Variants in KCNJ6 observed in about 807,000 individuals in gnomAD.
KCNJ6 encodes the protein potassium inwardly rectifying channel subfamily J member 6.
Under a neutral mutation model 34.2 loss-of-function variants are expected in KCNJ6, and 9 were observed. The observed-to-expected ratio is 0.26, with a 90% CI of 0.16 to 0.46. The LOEUF (loss-of-function observed/expected upper bound fraction) is 0.46. KCNJ6 is among the 20% of genes least tolerant of loss of function. The pLI, the probability that KCNJ6 is intolerant of heterozygous loss-of-function variation, is 1.00. For synonymous variants in KCNJ6, 196 were observed against 207.1 expected (o/e 0.95, Z 0.46); for missense variants, 236 against 531.3 (o/e 0.44, Z 5.46).
intron 1 of KCNJ6, among the ~76,000 whole-genome samples, chr21:37,868,787 G>T (rs763667): frequency 0.81 from 123,264 of 152,182 alleles, 50,702 homozygotes; most frequent in African/African-American, 0.95. Flanking sequence ...CGGGCAGGCA[G>T]GGCTGGGGTT....
At chr21:37,900,957 A>G (rs899568596) in intron 1 of KCNJ6, among the ~76,000 whole-genome samples, 1 of 152,218 alleles carries the variant, frequency 6.6e-6, no homozygotes, top group Non-Finnish European at 1.5e-5. Flanking sequence ...AACATAAAAC[A>G]TAGTAAACCC....
At chr21:37,713,245 C>A (rs2054771925) in intron 3 of KCNJ6, among the ~76,000 whole-genome samples, 1 of 151,978 alleles carries the variant, frequency 6.6e-6, no homozygotes, top group Admixed American at 6.5e-5. Flanking sequence ...ACAATATAAA[C>A]CACCTGAATC....
At chr21:37,660,376 C>A (rs2054482654) in intron 3 of KCNJ6, among the ~76,000 whole-genome samples, 1 of 152,220 alleles carries the variant, frequency 6.6e-6, no homozygotes, top group South Asian at 2.1e-4. Flanking sequence ...CCCAGGCTGG[C>A]TTCGGGGCTC....
chr21:37,695,668 C>T lies in KCNJ6; in HGVS notation c.946+18543G>A, dbSNP rs372790171. ...TTGAGCTATGAGTTTAGTTCAGATA[C>T]GTGTACTTAGCAGCCAGTTAAGCTG... On this transcript the variant is annotated intron_variant, in intron 3 of 3. Coordinates refer to ENST00000609713, the MANE Select transcript of KCNJ6 (RefSeq NM_002240.5). The surrounding 1 kb of genome is among the most constrained non-coding windows in gnomAD (Gnocchi z 4.2). 2.0e-4 allele frequency among the ~76,000 whole-genome samples: 30 copies of T among 152,274 alleles called. No homozygotes were observed. Among genetic ancestry groups the T allele is most frequent in the South Asian group, 1.7e-3 (8 of 4,818 alleles).
At chr21:37,898,861 AC>A (rs1012665363) in intron 1 of KCNJ6, among the ~76,000 whole-genome samples, 1 of 152,284 alleles carries the variant, frequency 6.6e-6, no homozygotes, top group Non-Finnish European at 1.5e-5. Flanking sequence ...CCAGGGAAAA[AC>A]ATTTCCTTTT....
intron 1 of KCNJ6, among the ~76,000 whole-genome samples, chr21:37,850,620 C>A (rs186165586): frequency 6.6e-6 from 1 of 152,124 alleles, no homozygotes; most frequent in Non-Finnish European, 1.5e-5. Context: ...GTCCCTCATG[C>A]CAAAAAGGTT....
chr21:37,715,784 G>T (rs2039992430), intron 2 of KCNJ6, among the ~76,000 whole-genome samples: 1 of 152,196 alleles, frequency 6.6e-6, no homozygotes, highest in South Asian at 2.1e-4. Context: ...ACAGGGAGAA[G>T]GTGGCCATCT....
At chr21:37,882,498 C>G (rs574684218) in intron 1 of KCNJ6, among the ~76,000 whole-genome samples, 2 of 152,208 alleles carry the variant, frequency 1.3e-5, no homozygotes, top group Admixed American at 6.5e-5. Flanking sequence ...GCCACTTACA[C>G]GCAGCAAATA....
intron 3 of KCNJ6, among the ~76,000 whole-genome samples, chr21:37,676,831 G>C (rs1190237954): frequency 6.6e-6 from 1 of 152,246 alleles, no homozygotes; most frequent in Non-Finnish European, 1.5e-5. Flanking sequence ...GAGTGACCTG[G>C]CTCCAAATGC....
intron 2 of KCNJ6, among the ~76,000 whole-genome samples, chr21:37,732,372 T>C (rs1351528329): frequency 2.0e-5 from 3 of 152,210 alleles, no homozygotes; most frequent in Non-Finnish European, 4.4e-5. Flanking sequence ...GATCAGACTT[T>C]TCAGTCTTGA....
chr21:37,808,111 CTTAAA>C (rs944739464), intron 2 of KCNJ6, among the ~76,000 whole-genome samples: 58 of 152,206 alleles, frequency 3.8e-4, no homozygotes, highest in African/African-American at 1.3e-3. Context: ...GCATTAATTG[CTTAAA>C]TTATTCTATG....
At chr21:37,841,980 A>G (rs1412084861) in intron 1 of KCNJ6, among the ~76,000 whole-genome samples, 1 of 152,252 alleles carries the variant, frequency 6.6e-6, no homozygotes, top group Non-Finnish European at 1.5e-5. Flanking sequence ...TCTGACATAT[A>G]GTGCTCAATT....
At chr21:37,790,568 C>T in intron 2 of KCNJ6, among the ~76,000 whole-genome samples, 1 of 152,100 alleles carries the variant, frequency 6.6e-6, no homozygotes, top group Admixed American at 6.5e-5. Flanking sequence ...TTTCACAGGC[C>T]TCAGTGGGGG....
chr21:37,778,102 TC>T (rs1212260420), intron 2 of KCNJ6, among the ~76,000 whole-genome samples: 1 of 152,204 alleles, frequency 6.6e-6, no homozygotes, highest in East Asian at 1.9e-4. Flanking sequence ...CTGCTTTTTT[TC>T]CATGCTAGAA....
At chr21:37,757,609 G>A (rs907522245) in intron 2 of KCNJ6, among the ~76,000 whole-genome samples, 2 of 151,842 alleles carry the variant, frequency 1.3e-5, no homozygotes, top group Non-Finnish European at 2.9e-5. Context: ...CCCGGAGTGA[G>A]CACTCCCTCA....
chr21:37,828,065 C>A (rs2055407301), intron 2 of KCNJ6, among the ~76,000 whole-genome samples: 1 of 152,154 alleles, frequency 6.6e-6, no homozygotes, highest in Non-Finnish European at 1.5e-5. Flanking sequence ...AGCACTACAC[C>A]CTCTGTGGAC....
chr21:37,848,547 G>A (rs2055521732), intron 1 of KCNJ6, among the ~76,000 whole-genome samples: 1 of 152,162 alleles, frequency 6.6e-6, no homozygotes. Context: ...CACCCTGACT[G>A]GTTCCTTATG....
chr21:37,820,288 C>T (rs377061813), intron 2 of KCNJ6, among the ~76,000 whole-genome samples: 1 of 152,184 alleles, frequency 6.6e-6, no homozygotes, highest in Non-Finnish European at 1.5e-5. Context: ...CTACTCCCAG[C>T]TTTTTGCTTG....
At chr21:37,864,113 A>ATTTTTT (rs3988669) in intron 1 of KCNJ6, among the ~76,000 whole-genome samples, 2 of 147,154 alleles carry the variant, frequency 1.4e-5, no homozygotes, top group Non-Finnish European at 1.5e-5. Context: ...CCAATTCTCT[A>ATTTTTT]TTTTTTTTTT....
Sources: gnomAD v4.1 joint callset for allele counts (sites outside exome capture counted in the v4.1 genomes callset) on GRCh38, gnomAD v4.1.1 for gene constraint, Gnocchi (gnomAD v3.1) non-coding constraint, MANE v1.5 for transcripts, NCBI Gene and HGNC (gene_info 2026-07-23, HGNC 2026-07-21) for gene names.